The following C22orf31 variants were observed in gnomAD, a reference collection of about 807,000 sequenced individuals.
The protein encoded by C22orf31 is chromosome 22 open reading frame 31.
In C22orf31, 11 loss-of-function variants were observed where a neutral mutation model predicts 15.0. That is an observed-to-expected ratio of 0.73 (90% CI 0.46 to 1.21). The LOEUF (loss-of-function observed/expected upper bound fraction) is 1.21, where lower values mean the gene tolerates loss of function less well. Ranked by LOEUF, C22orf31 falls within the 50% of genes most tolerant of loss-of-function variation. C22orf31 has a pLI of 0.00. For missense variants in C22orf31, 340 were observed against 347.2 expected, an observed-to-expected ratio of 0.98 and a Z score of 0.17; for synonymous variants, 132 against 133.3, an observed-to-expected ratio of 0.99 and a Z score of 0.07.
upstream of C22orf31, among the ~76,000 whole-genome samples, chr22:29,063,115 C>T (rs2037406885): frequency 6.6e-6 from 1 of 152,112 alleles, no homozygotes; most frequent in Non-Finnish European, 1.5e-5. Flanking sequence ...GGCTTTCCTG[C>T]ACCTCATCTT....
the C22orf31 span, among the ~76,000 whole-genome samples, chr22:29,071,474 G>A: frequency 1.3e-5 from 2 of 152,174 alleles, no homozygotes; most frequent in Admixed American, 6.5e-5. Context: ...GGGGCCCAGG[G>A]GCGAGTGTAC....
At chr22:29,067,555 T>C in the C22orf31 span, among the ~76,000 whole-genome samples, 4 of 152,222 alleles carry the variant, frequency 2.6e-5, no homozygotes, top group African/African-American at 9.6e-5. Flanking sequence ...AGCTGAACCC[T>C]GCGTTAGCCT....
chr22:29,070,008 C>A, the C22orf31 span, among the ~76,000 whole-genome samples: 6 of 145,684 alleles, frequency 4.1e-5, no homozygotes, highest in Non-Finnish European at 1.5e-5. Context: ...TGCAGTGGCA[C>A]GATCTTGGCT....
chr22:29,061,703 C>A, intron 1 of C22orf31, 87 bp downstream of exon 1: 2 of 1,050,214 alleles, frequency 1.9e-6, no homozygotes, highest in Non-Finnish European at 1.4e-6. Flanking sequence ...CTAAGAGCAA[C>A]AGAACAATTT....
At chr22:29,069,746 G>A in the C22orf31 span, among the ~76,000 whole-genome samples, 182 of 152,128 alleles carry the variant, frequency 1.2e-3, no homozygotes, top group African/African-American at 4.1e-3. Flanking sequence ...AGAGAAGGTG[G>A]GGGTGGAGAA....
chr22:29,068,412 C>CTT, the C22orf31 span, among the ~76,000 whole-genome samples: 16 of 127,446 alleles, frequency 1.3e-4, no homozygotes, highest in African/African-American at 2.4e-4. Flanking sequence ...CTTTAAATTT[C>CTT]TTTTTTTTTT....
At chr22:29,068,227 G>A in the C22orf31 span, among the ~76,000 whole-genome samples, 2 of 151,094 alleles carry the variant, frequency 1.3e-5, no homozygotes, top group African/African-American at 4.9e-5. Context: ...CATTATAGGC[G>A]CATGCCCTGA....
the C22orf31 span, among the ~76,000 whole-genome samples, chr22:29,067,760 A>G: frequency 5.1e-4 from 78 of 152,224 alleles, no homozygotes; most frequent in Non-Finnish European, 8.5e-4. Flanking sequence ...TATTAATTTT[A>G]GAGACAGGGT....
At position 29,059,168 on chromosome 22, in the gene C22orf31, T is replaced by C; in HGVS notation, c.447A>G (p.Ser149=). The C allele has an allele frequency of 6.2e-7, 1 of 1,606,976 alleles. No homozygotes were observed. The highest frequency in any genetic ancestry group is 2.2e-5 in the East Asian group (1 of 44,834). Residue 149 remains serine (S), a synonymous_variant, in exon 3 of 3, where the codon TCA becomes TCG. Coordinates refer to ENST00000216071, the MANE Select transcript of C22orf31 (RefSeq NM_015370.2). ...GGCGGACTGTTAGTTTTTTCTCCTTTGAACTTTCTTTACTCTAGCCAGGAA... is the reference window on the plus strand; with the variant it reads ...GGCGGACTGTTAGTTTTTTCTCCTTCGAACTTTCTTTACTCTAGCCAGGAA... ...AGGIRESKES[S]KEKKLTVRQD... is the part of the protein sequence containing the mutation.
chr22:29,072,925 GC>G, the C22orf31 span, among the ~76,000 whole-genome samples: 1 of 150,580 alleles, frequency 6.6e-6, no homozygotes, highest in African/African-American at 2.4e-5. Context: ...AGTGGGCTCC[GC>G]CCCCCGGGCC....
the C22orf31 span, among the ~76,000 whole-genome samples, chr22:29,070,385 G>A: frequency 6.6e-6 from 1 of 152,356 alleles, no homozygotes; most frequent in African/African-American, 2.4e-5. Flanking sequence ...GCCAGCCCAG[G>A]AGGGGTGCCT....
chr22:29,061,486 G>A (rs544227174), intron 1 of C22orf31, among the ~76,000 whole-genome samples: 7 of 151,962 alleles, frequency 4.6e-5, no homozygotes, highest in African/African-American at 1.2e-4. Flanking sequence ...GGCTGGCCTC[G>A]AACTCCCCAC....
At chr22:29,066,164 A>G (rs1048484273), upstream of C22orf31, among the ~76,000 whole-genome samples, 2 of 151,798 alleles carry the variant, frequency 1.3e-5, no homozygotes, top group African/African-American at 4.8e-5. Context: ...GTCAATTTCT[A>G]TTAATTCTTG....
At chr22:29,071,785 A>C in the C22orf31 span, among the ~76,000 whole-genome samples, 1 of 152,160 alleles carries the variant, frequency 6.6e-6, no homozygotes, top group Non-Finnish European at 1.5e-5. Context: ...GGAGGCGGGC[A>C]AAGGGCCTAC....
chr22:29,059,745 A>G, intron 2 of C22orf31: 9 of 985,274 alleles, frequency 9.1e-6, no homozygotes, highest in Non-Finnish European at 1.1e-5. Context: ...ATCCAGATCC[A>G]TAGCTGACCA....
upstream of C22orf31, among the ~76,000 whole-genome samples, chr22:29,065,752 G>A (rs115678273): frequency 2.3e-3 from 355 of 152,324 alleles, 3 homozygotes; most frequent in African/African-American, 8.3e-3. Context: ...CTTGGTCCAG[G>A]GTACTAAAAC....
chr22:29,073,897 C>T, the C22orf31 span, among the ~76,000 whole-genome samples: 1 of 152,178 alleles, frequency 6.6e-6, no homozygotes, highest in African/African-American at 2.4e-5. The surrounding 1 kb of genome is among the most constrained non-coding windows in gnomAD (Gnocchi z 4.4). Context: ...GACGACTCCC[C>T]CGCTACAAGA....
At chr22:29,073,225 C>T in the C22orf31 span, 10 of 1,165,036 alleles carry the variant, frequency 8.6e-6, no homozygotes, top group Non-Finnish European at 1.1e-5. The surrounding 1 kb of genome is among the most constrained non-coding windows in gnomAD (Gnocchi z 4.4). Flanking sequence ...GGCCCCGGAC[C>T]CGGTGAGTGT....
At chr22:29,071,396 G>A in the C22orf31 span, among the ~76,000 whole-genome samples, 1 of 152,242 alleles carries the variant, frequency 6.6e-6, no homozygotes, top group African/African-American at 2.4e-5. Flanking sequence ...GCAGCCGTGG[G>A]TGGGGAAAGG....
Sources: gnomAD v4.1 joint callset for allele counts (sites outside exome capture counted in the v4.1 genomes callset) on GRCh38, gnomAD v4.1.1 for gene constraint, Gnocchi (gnomAD v3.1) non-coding constraint, MANE v1.5 for transcripts, NCBI Gene and HGNC (gene_info 2026-07-23, HGNC 2026-07-21) for gene names.